The following TENM4 variants were observed in gnomAD, a reference collection of about 807,000 sequenced individuals.
TENM4 encodes the protein teneurin transmembrane protein 4, also known as teneurin-4.
TENM4 carries 82 observed loss-of-function variants against 243.3 expected under a neutral mutation model. That is an observed-to-expected ratio of 0.34 (90% CI 0.28 to 0.40). The LOEUF (loss-of-function observed/expected upper bound fraction) is 0.40, where lower values mean the gene tolerates loss of function less well. Among genes scored for constraint, TENM4 ranks in the 10% least tolerant of loss-of-function variants. TENM4 has a pLI of 1.00. For missense variants in TENM4, 3,138 were observed against 3,673.3 expected (o/e 0.85, Z 3.77); for synonymous variants, 1,412 against 1,456.3 (o/e 0.97, Z 0.69).
intron 2 of TENM4, among the ~76,000 whole-genome samples, chr11:79,228,086 T>C (rs918237944): frequency 3.3e-5 from 5 of 152,010 alleles, no homozygotes; most frequent in African/African-American, 7.3e-5. Context: ...AATTTGGATG[T>C]GAAAAAAAGT....
chr11:79,033,012 A>T (rs1296440118), intron 6 of TENM4, among the ~76,000 whole-genome samples: 3 of 152,032 alleles, frequency 2.0e-5, no homozygotes, highest in Non-Finnish European at 4.4e-5. Context: ...AGAGCAGTAA[A>T]ATTCCCTCTG....
chr11:79,169,807 C>A (rs1244798912), intron 3 of TENM4, among the ~76,000 whole-genome samples: 1 of 152,216 alleles, frequency 6.6e-6, no homozygotes, highest in South Asian at 2.1e-4. Context: ...GCATAAGGAG[C>A]TGGCAGACAG....
chr11:79,081,973 C>T (rs1044379750), intron 4 of TENM4, among the ~76,000 whole-genome samples: 2 of 152,220 alleles, frequency 1.3e-5, no homozygotes, highest in Admixed American at 1.3e-4. Flanking sequence ...TTGGGAAAGT[C>T]CCTGCATTGC....
chr11:78,686,659 G>A (rs959327959), intron 29 of TENM4, among the ~76,000 whole-genome samples: 31 of 152,206 alleles, frequency 2.0e-4, no homozygotes, highest in African/African-American at 7.2e-4. Flanking sequence ...GGTGTCCACT[G>A]CAGAGTTGAT....
Position 78,670,188 on chromosome 11 carries a change from A to G in TENM4, c.6157T>C (p.Cys2053Arg). ...TINLQNEGFTCTIRYRQIGPL... is the reference protein window; with the variant it reads ...TINLQNEGFTRTIRYRQIGPL... ...CCAATCTGACGGTAGCGGATGGTGC[A>G]GGTGAAGCCCTCATTCTGTAGGTTG... is the stretch of plus-strand genomic sequence containing the variant. The change falls in exon 32 of 34, where the codon TGC becomes CGC. Residue 2053 changes from cysteine to arginine, a missense_variant. This residue lies in a region of TENM4 where 2,467 missense variants were observed against 3,059.1 expected (regional missense o/e 0.81). Coordinates refer to ENST00000278550, the MANE Select transcript of TENM4 (RefSeq NM_001098816.3). 6.2e-7 allele frequency: 1 copy of G among 1,613,958 alleles called. No individual in the cohort carries two copies. Among genetic ancestry groups the G allele is most frequent in the Non-Finnish European group, 8.5e-7 (1 of 1,179,874 alleles).
chr11:79,320,959 T>G (rs1267751177), intron 1 of TENM4, among the ~76,000 whole-genome samples: 1 of 152,156 alleles, frequency 6.6e-6, no homozygotes, highest in East Asian at 1.9e-4. Context: ...TTCTCAATCT[T>G]GACAAAAAGG....
Position 78,855,970 on chromosome 11 carries a change from A to T in TENM4, c.1464T>A (p.His488Gln). 1 of 1,551,390 alleles carries T rather than the reference A, an allele frequency of 6.4e-7. No homozygotes were observed. The highest frequency in any genetic ancestry group is 2.4e-5 in the East Asian group (1 of 40,910). ...IYGRKGLPPSHTQFDFVELLD... is the reference protein window; with the variant it reads ...IYGRKGLPPSQTQFDFVELLD... ...TATGTGGGGTTCTGGTTACCTGTGT[A>T]TGTGAAGGAGGGAGGCCTTTTCTGC... Residue 488 changes from histidine (H) to glutamine (Q), a missense_variant, in exon 11 of 34, where the codon CAT (histidine) becomes CAA (glutamine). Coordinates refer to ENST00000278550, the MANE Select transcript of TENM4 (RefSeq NM_001098816.3).
intron 4 of TENM4, among the ~76,000 whole-genome samples, chr11:79,106,008 G>T (rs1591286964): frequency 6.6e-6 from 1 of 152,186 alleles, no homozygotes; most frequent in East Asian, 1.9e-4. Context: ...CCACAAACAA[G>T]AAGTTATATT....
chr11:78,825,761 C>G (rs922482116), intron 12 of TENM4, among the ~76,000 whole-genome samples: 1 of 152,150 alleles, frequency 6.6e-6, no homozygotes, highest in Non-Finnish European at 1.5e-5. Context: ...AGAGCCAGAT[C>G]CAGAATAATC....
At chr11:79,381,060 C>T (rs962826989) in intron 1 of TENM4, among the ~76,000 whole-genome samples, 19 of 152,052 alleles carry the variant, frequency 1.2e-4, no homozygotes, top group Admixed American at 9.2e-4. Context: ...CTAGATCCTC[C>T]GAGGCCTCTG....
At chr11:79,105,793 C>T (rs1861350516) in intron 4 of TENM4, among the ~76,000 whole-genome samples, 1 of 152,228 alleles carries the variant, frequency 6.6e-6, no homozygotes, top group South Asian at 2.1e-4. Flanking sequence ...CAGCAGTTTG[C>T]AAGAGCAAGG....
chr11:79,345,696 C>T (rs1857314280), intron 1 of TENM4, among the ~76,000 whole-genome samples: 1 of 152,202 alleles, frequency 6.6e-6, no homozygotes, highest in African/African-American at 2.4e-5. Flanking sequence ...TGTAAACAGA[C>T]AAAACTATAA....
chr11:78,786,823 G>A (rs1856945295), intron 16 of TENM4, 75 bp downstream of exon 16: 1 of 1,541,272 alleles, frequency 6.5e-7, no homozygotes, highest in Non-Finnish European at 8.7e-7. Flanking sequence ...GGCCCAGGCT[G>A]GCCCTGAAAT....
chr11:78,811,967 T>G (rs1857510942), intron 14 of TENM4, among the ~76,000 whole-genome samples, 155 bp downstream of exon 14: 1 of 152,210 alleles, frequency 6.6e-6, no homozygotes, highest in African/African-American at 2.4e-5. Context: ...TCCTTTGGAT[T>G]AGTTACTGTT....
chr11:78,973,424 C>T (rs1203478023), intron 6 of TENM4, among the ~76,000 whole-genome samples: 5 of 152,200 alleles, frequency 3.3e-5, no homozygotes, highest in African/African-American at 9.6e-5. Flanking sequence ...CCCCTAATGG[C>T]AAATGATGCT....
chr11:78,837,974 A>G (rs1470401536), intron 12 of TENM4, among the ~76,000 whole-genome samples: 1 of 152,160 alleles, frequency 6.6e-6, no homozygotes, highest in Admixed American at 6.5e-5. Flanking sequence ...GAAGCTGAAC[A>G]TTTTTATGGT....
rs374033066 is a variant in TENM4 at position 78,856,178 on chromosome 11, C to T, written c.1256G>A (p.Gly419Glu). 1.6e-5 allele frequency: 25 copies of T among 1,551,206 alleles called. No homozygotes were observed. The highest frequency in any genetic ancestry group is 2.0e-5 in the Non-Finnish European group (23 of 1,146,684). Reference sequence around the variant, plus strand: ...CTCTGGAAAGAAACTACTGGGCTTTCCTACCAAGATAGAGGGAAGGGAAGA... The same window carrying T: ...CTCTGGAAAGAAACTACTGGGCTTTTCTACCAAGATAGAGGGAAGGGAAGA... ...PDRKGKGTTE[G>E]KPSSFFPEDS... The change falls in exon 11 of 34, where the codon GGA becomes GAA. Residue 419 changes from glycine to glutamate, a missense_variant and splice_region_variant. By Grantham distance (98) the Gly-to-Glu change is moderately conservative. Around this residue, in one of 2 missense-constraint regions of TENM4, gnomAD observed 671 missense variants for 614.1 expected, o/e 1.09. Coordinates refer to ENST00000278550, the MANE Select transcript of TENM4 (RefSeq NM_001098816.3).
chr11:79,164,997 A>G (rs1254784357), intron 3 of TENM4, among the ~76,000 whole-genome samples: 7 of 144,148 alleles, frequency 4.9e-5, no homozygotes, highest in Admixed American at 3.5e-4. Flanking sequence ...GTGTGTGTGT[A>G]TACATATATA....
chr11:79,359,185 G>C (rs1183686605), intron 1 of TENM4, among the ~76,000 whole-genome samples: 1 of 152,238 alleles, frequency 6.6e-6, no homozygotes, highest in East Asian at 1.9e-4. Context: ...AGGATTCTTT[G>C]AACTTAGGAA....
Sources: gnomAD v4.1 joint callset for allele counts (sites outside exome capture counted in the v4.1 genomes callset) on GRCh38, gnomAD v4.1.1 for gene constraint, gnomAD v4.1.1 regional missense constraint, MANE v1.5 for transcripts, NCBI Gene and HGNC (gene_info 2026-07-23, HGNC 2026-07-21) for gene names.